CSGALNACT1: variants seen among roughly 807,000 people sequenced by gnomAD.
CSGALNACT1 encodes chondroitin sulfate N-acetylgalactosaminyltransferase 1.
Under a neutral mutation model 51.0 loss-of-function variants are expected in CSGALNACT1, and 52 were observed. That is an observed-to-expected ratio of 1.02 (90% CI 0.82 to 1.29). The LOEUF (loss-of-function observed/expected upper bound fraction) is 1.29. CSGALNACT1 is among the 50% of genes most tolerant of loss of function. The probability of loss-of-function intolerance (pLI) is 0.00; values close to 1 mark genes in which losing one functional copy is unlikely to be tolerated. For synonymous variants in CSGALNACT1, 341 were observed against 254.4 expected (o/e 1.34, Z -3.24); for missense variants, 935 against 679.2 (o/e 1.38, Z -4.19).
At chr8:19,653,699 C>G (rs755228769) in intron 1 of CSGALNACT1, among the ~76,000 whole-genome samples, 1 of 151,714 alleles carries the variant, frequency 6.6e-6, no homozygotes, top group Non-Finnish European at 1.5e-5. Flanking sequence ...GAGGCTGAGG[C>G]GGAGGGATTG....
chr8:19,458,355 T>C lies in CSGALNACT1; in HGVS notation c.851+71A>G. On this transcript the variant is annotated intron_variant, in intron 5 of 9. Transcript: ENST00000454498. Reference sequence around the variant, plus strand: ...TACTCGGCAGGGGAAATGAAGGAGATGACGGGAAATGATATCAGTGTTCTA... The same window carrying C: ...TACTCGGCAGGGGAAATGAAGGAGACGACGGGAAATGATATCAGTGTTCTA... The C allele has an allele frequency of 2.5e-6, 3 of 1,223,604 alleles. No homozygotes were observed. The Admixed American group carries it at 5.0e-5, about 21-fold the overall frequency. 75.8% of individuals were successfully genotyped at this position (1,223,604 alleles called of 1,614,324 possible).
chr8:19,441,397 C>G lies in CSGALNACT1; in HGVS notation c.852-1466G>C, dbSNP rs1489876522. Among the ~76,000 whole-genome samples the G allele has an allele frequency of 3.9e-5, 6 of 152,218 alleles. No homozygotes were observed. In the East Asian group the frequency reaches 5.8e-4, roughly 15 times the overall value. On this transcript the variant is annotated intron_variant, in intron 5 of 9. Coordinates refer to ENST00000454498, the Ensembl canonical transcript of CSGALNACT1. Reference sequence around the variant, plus strand: ...TATAGATCAATGGAACAGAACAGAGCCCTCAGAAATAATGCAGCATATCTA... The same window carrying G: ...TATAGATCAATGGAACAGAACAGAGGCCTCAGAAATAATGCAGCATATCTA...
intron 1 of CSGALNACT1, among the ~76,000 whole-genome samples, chr8:19,725,092 C>T (rs984096524): frequency 2.0e-5 from 3 of 152,218 alleles, no homozygotes; most frequent in African/African-American, 7.2e-5. Context: ...TAACCTGATG[C>T]AGGGTTCATC....
At chr8:19,581,989 A>G (rs1304780663) in intron 3 of CSGALNACT1, among the ~76,000 whole-genome samples, 6 of 152,372 alleles carry the variant, frequency 3.9e-5, no homozygotes, top group Admixed American at 3.9e-4. Flanking sequence ...AATTTTTCTT[A>G]AAGATGATCA....
chr8:19,599,454 AAAAGAAAG>A (rs1363180745), intron 2 of CSGALNACT1, among the ~76,000 whole-genome samples: 1 of 123,832 alleles, frequency 8.1e-6, no homozygotes, highest in Non-Finnish European at 1.6e-5. Flanking sequence ...AAAGAAAAAG[AAAAGAAAG>A]AAAGAAAGAA....
intron 1 of CSGALNACT1, among the ~76,000 whole-genome samples, chr8:19,710,118 G>A (rs572149431): frequency 1.3e-5 from 2 of 152,086 alleles, no homozygotes; most frequent in Admixed American, 6.5e-5. Context: ...AGTTTCATCC[G>A]TATCCCTGGA....
chr8:19,412,714 A>C (rs1275859215), intron 8 of CSGALNACT1, among the ~76,000 whole-genome samples: 1 of 152,080 alleles, frequency 6.6e-6, no homozygotes, highest in East Asian at 1.9e-4. Context: ...ATACCTTTTG[A>C]TCAGGGGCTC....
chr8:19,706,961 G>C (rs554893350), intron 1 of CSGALNACT1, among the ~76,000 whole-genome samples: 1 of 152,196 alleles, frequency 6.6e-6, no homozygotes, highest in African/African-American at 2.4e-5. Context: ...CACCAGGACA[G>C]TCCTAGAGCT....
At chr8:19,531,405 G>A (rs138325227) in intron 3 of CSGALNACT1, among the ~76,000 whole-genome samples, 1,726 of 152,260 alleles carry the variant, frequency 0.011, 8 homozygotes, top group Non-Finnish European at 0.017. Flanking sequence ...TGCAGGGCAG[G>A]AGGCAGAACA....
intron 3 of CSGALNACT1, among the ~76,000 whole-genome samples, chr8:19,548,937 G>C (rs1030171675): frequency 4.6e-5 from 7 of 152,060 alleles, no homozygotes; most frequent in Non-Finnish European, 1.0e-4. Flanking sequence ...TCCTGCCTCA[G>C]CCTCCCAAGT....
intron 6 of CSGALNACT1, among the ~76,000 whole-genome samples, chr8:19,438,603 C>T (rs953371150): frequency 6.6e-6 from 1 of 152,220 alleles, no homozygotes; most frequent in African/African-American, 2.4e-5. Context: ...AAGAGCCAGA[C>T]AGTAAACAGT....
At chr8:19,732,224 A>T (rs1300260550) in intron 1 of CSGALNACT1, among the ~76,000 whole-genome samples, 1 of 152,230 alleles carries the variant, frequency 6.6e-6, no homozygotes, top group Non-Finnish European at 1.5e-5. Flanking sequence ...TCTTTGATGA[A>T]CATTAACTAA....
At chr8:19,578,467 T>C (rs2044786327) in intron 3 of CSGALNACT1, among the ~76,000 whole-genome samples, 2 of 152,174 alleles carry the variant, frequency 1.3e-5, no homozygotes, top group Non-Finnish European at 2.9e-5. Flanking sequence ...TCATCCTCTG[T>C]TGACTTTAAG....
rs541821308 is a variant in CSGALNACT1, at chr8:19,673,214, G to C, written c.-544+9259C>G. ...ATGGACTCCGATGCAAGGAACAAAG[G>C]GGATATGGGACTCAGAGCCTTCACT... On this transcript the variant is annotated intron_variant, in intron 1 of 9. Transcript: ENST00000332246. 3.3e-5 allele frequency among the ~76,000 whole-genome samples: 5 copies of C among 152,312 alleles called. No homozygotes were observed. In the East Asian group the frequency reaches 9.6e-4, roughly 29 times the overall value.
chr8:19,664,684 T>C lies in CSGALNACT1; in HGVS notation c.-544+17789A>G, dbSNP rs116528251. Among the ~76,000 whole-genome samples the C allele has an allele frequency of 2.6e-5, 4 of 150,946 alleles. No individual in the cohort carries two copies. The East Asian group carries it at 5.8e-4, about 22-fold the overall frequency. On this transcript the variant is annotated intron_variant, in intron 1 of 9. Transcript: ENST00000332246. ...ACACACATACACACATACACACATA[T>C]ACACAATGGAATACTACTCAGCCAC...
intron 3 of CSGALNACT1, among the ~76,000 whole-genome samples, chr8:19,527,698 G>C (rs930406988): frequency 1.3e-5 from 2 of 152,172 alleles, no homozygotes; most frequent in Non-Finnish European, 2.9e-5. Flanking sequence ...AACCACGCAG[G>C]CAGGTCAGCA....
At chr8:19,624,562 C>A (rs1224424875) in intron 1 of CSGALNACT1, among the ~76,000 whole-genome samples, 1 of 152,134 alleles carries the variant, frequency 6.6e-6, no homozygotes, top group Non-Finnish European at 1.5e-5. Context: ...AACAACAAAG[C>A]TTTAGTTCTC....
intron 1 of CSGALNACT1, among the ~76,000 whole-genome samples, chr8:19,671,526 A>G (rs1200276112): frequency 6.6e-6 from 1 of 152,222 alleles, no homozygotes; most frequent in African/African-American, 2.4e-5. Flanking sequence ...TACAGTATTT[A>G]TCAGAATCTG....
At chr8:19,464,302 AT>A (rs983153243) in intron 4 of CSGALNACT1, among the ~76,000 whole-genome samples, 18 of 152,022 alleles carry the variant, frequency 1.2e-4, no homozygotes, top group African/African-American at 4.3e-4. Flanking sequence ...ACACATATAT[AT>A]TTTGGCCCTT....
Sources: allele counts gnomAD v4.1 joint callset (sites outside exome capture counted in the v4.1 genomes callset), GRCh38; gene constraint gnomAD v4.1.1; transcripts MANE v1.5; gene names NCBI Gene and HGNC (gene_info 2026-07-23, HGNC 2026-07-21).